Variants in PLXNC1 observed in about 807,000 individuals in gnomAD.
The protein encoded by PLXNC1 is plexin-C1.
Under a neutral mutation model 178.2 loss-of-function variants are expected in PLXNC1, and 75 were observed. That is an observed-to-expected ratio of 0.42 (90% confidence interval 0.35 to 0.51). The LOEUF (loss-of-function observed/expected upper bound fraction) is 0.51, where lower values mean the gene tolerates loss of function less well. PLXNC1 is among the 20% of genes least tolerant of loss of function. PLXNC1 has a pLI of 0.02. For synonymous variants in PLXNC1, 790 were observed against 779.9 expected, an observed-to-expected ratio of 1.01 and a Z score of -0.22; for missense variants, 1,503 against 1,984.4, an observed-to-expected ratio of 0.76 and a Z score of 4.61.
intron 23 of PLXNC1, among the ~76,000 whole-genome samples, chr12:94,286,378 A>T (rs73230130): frequency 0.11 from 17,319 of 152,110 alleles, 1,140 homozygotes; most frequent in Non-Finnish European, 0.14. Context: ...GCTTGGAGAA[A>T]ATCATCCCCC....
At chr12:94,259,050 A>T (rs1224408795) in intron 17 of PLXNC1, among the ~76,000 whole-genome samples, 1 of 152,186 alleles carries the variant, frequency 6.6e-6, no homozygotes, top group Non-Finnish European at 1.5e-5. Flanking sequence ...TTAACTCTTA[A>T]ATCACTTCTT....
chr12:94,254,739 G>A lies in PLXNC1; in HGVS notation c.2882-48G>A, dbSNP rs1322273385. 4 of 1,339,668 alleles carry A rather than the reference G, an allele frequency of 3.0e-6. No homozygotes were observed. In the South Asian group the frequency reaches 5.4e-5, roughly 18 times the overall value. The allele number at this position is 1,339,668 out of a possible 1,614,324, so 83.0% of individuals were successfully genotyped here. A position where few individuals can be genotyped will look rare whatever the true frequency, so the allele number is the denominator to read the frequency against. ...AAGATTGCTATTTGTTTTCATTTTT[G>A]GTTTTTGAGTTACCATGTCCCTCTG... is the stretch of plus-strand genomic sequence containing the variant. On this transcript the variant is annotated intron_variant, in intron 15 of 30. Coordinates refer to ENST00000258526, the MANE Select transcript of PLXNC1 (RefSeq NM_005761.3).
intron 1 of PLXNC1, among the ~76,000 whole-genome samples, chr12:94,159,655 AAGG>A (rs1477118558): frequency 6.6e-6 from 1 of 152,124 alleles, no homozygotes; most frequent in East Asian, 1.9e-4. Flanking sequence ...TGGCAATGGG[AAGG>A]AGATTAGATT....
chr12:94,214,532 T>G (rs1482440187), intron 5 of PLXNC1, among the ~76,000 whole-genome samples: 1 of 152,252 alleles, frequency 6.6e-6, no homozygotes, highest in Non-Finnish European at 1.5e-5. Context: ...ATAAAAAACA[T>G]TACTTACTCA....
chr12:94,234,166 C>T (rs2136041837), intron 9 of PLXNC1, among the ~76,000 whole-genome samples: 1 of 152,176 alleles, frequency 6.6e-6, no homozygotes, highest in Admixed American at 6.5e-5. Context: ...TAATAGAGTA[C>T]AATTTGGCCT....
chr12:94,288,922 T>A (rs188124503), intron 23 of PLXNC1, among the ~76,000 whole-genome samples: 74 of 152,370 alleles, frequency 4.9e-4, no homozygotes, highest in African/African-American at 1.7e-3. Flanking sequence ...GTTTTCAGAT[T>A]TTTTTCTTTA....
At chr12:94,169,094 G>A in intron 1 of PLXNC1, 59 bp from the exon 2 acceptor site, 2 of 1,452,272 alleles carry the variant, frequency 1.4e-6, no homozygotes, top group Non-Finnish European at 1.9e-6. Context: ...TCAGTATAAT[G>A]AGAACTATTG....
At chr12:94,235,661 G>A (rs61929074) in intron 9 of PLXNC1, among the ~76,000 whole-genome samples, 10,798 of 152,248 alleles carry the variant, frequency 0.071, 542 homozygotes, top group African/African-American at 0.13. Context: ...TTTGCGGGCC[G>A]TATGGTCTCT....
chr12:94,287,894 T>C (rs1966874827), intron 23 of PLXNC1, among the ~76,000 whole-genome samples: 1 of 152,234 alleles, frequency 6.6e-6, no homozygotes, highest in Admixed American at 6.5e-5. Context: ...CTTTCCGTCT[T>C]CTTTACCGCT....
At chr12:94,217,975 T>C (rs1327290712) in intron 5 of PLXNC1, among the ~76,000 whole-genome samples, 1 of 152,182 alleles carries the variant, frequency 6.6e-6, no homozygotes, top group Non-Finnish European at 1.5e-5. Context: ...ATGTGAGAAC[T>C]AGAAGGAAAT....
chr12:94,195,860 A>G (rs944179323), intron 4 of PLXNC1, among the ~76,000 whole-genome samples: 8 of 152,204 alleles, frequency 5.3e-5, no homozygotes, highest in Non-Finnish European at 1.0e-4. Flanking sequence ...CACATGAGAG[A>G]AAACTGCCAT....
At position 94,148,993 on chromosome 12, in the gene PLXNC1, G is replaced by T. The variant is rs1960832678; in HGVS notation, c.22G>T (p.Ala8Ser). The change falls in exon 1 of 31, where the codon GCG becomes TCG. Residue 8 changes from alanine to serine, a missense_variant. By Grantham distance (99) the Ala-to-Ser change is moderately conservative. Around this residue, in one of 4 missense-constraint regions of PLXNC1, gnomAD observed 176 missense variants for 180.7 expected, o/e 0.97. Coordinates refer to ENST00000258526, the MANE Select transcript of PLXNC1 (RefSeq NM_005761.3). The surrounding 1 kb of genome is among the most constrained non-coding windows in gnomAD (Gnocchi z 4.8). ...CCCCATGGAGGTCTCCCGGAGGAAG[G>T]CGCCGCCGCGCCCCCCGCGCCCCGC... MEVSRRKAPPRPPRPAAP... is the reference protein window; with the variant it reads MEVSRRKSPPRPPRPAAP... The T allele has an allele frequency of 1.4e-6, 2 of 1,446,398 alleles. No individual in the cohort carries two copies. Among genetic ancestry groups the T allele is most frequent in the African/African-American group, 1.5e-5 (1 of 66,736 alleles). 89.6% of individuals were successfully genotyped at this position (1,446,398 alleles called of 1,614,324 possible). A position where few individuals can be genotyped will look rare whatever the true frequency, so the allele number is the denominator to read the frequency against.
chr12:94,191,093 G>A (rs535358417), intron 4 of PLXNC1, among the ~76,000 whole-genome samples: 2 of 152,360 alleles, frequency 1.3e-5, no homozygotes, highest in East Asian at 3.9e-4. Context: ...TAGGCTGAGT[G>A]ATTGGTCGAC....
chr12:94,176,626 A>G (rs1962059571), intron 2 of PLXNC1, among the ~76,000 whole-genome samples: 1 of 152,206 alleles, frequency 6.6e-6, no homozygotes, highest in African/African-American at 2.4e-5. Context: ...ATACAATGAT[A>G]TTGTTTAAAA....
At chr12:94,211,998 G>C (rs1205876275) in intron 5 of PLXNC1, among the ~76,000 whole-genome samples, 1 of 152,194 alleles carries the variant, frequency 6.6e-6, no homozygotes, top group African/African-American at 2.4e-5. Context: ...AAGACGGCCG[G>C]GCGCGGTGGC....
chr12:94,299,785 C>T (rs1183377914), intron 27 of PLXNC1, among the ~76,000 whole-genome samples: 1 of 152,142 alleles, frequency 6.6e-6, no homozygotes, highest in Non-Finnish European at 1.5e-5. Context: ...GTCTCAAACT[C>T]CTGGACTCAA....
chr12:94,187,731 G>A (rs1352640616), intron 4 of PLXNC1, among the ~76,000 whole-genome samples: 4 of 152,190 alleles, frequency 2.6e-5, no homozygotes, highest in South Asian at 4.1e-4. Flanking sequence ...TAATGGTGGC[G>A]ATGATGGTGG....
At chr12:94,186,652 T>G in intron 4 of PLXNC1, 179 bp downstream of exon 4, 1 of 543,776 alleles carries the variant, frequency 1.8e-6, no homozygotes, top group Non-Finnish European at 3.4e-6. Context: ...GCGGCGTCCG[T>G]GCTATGCAAT....
chr12:94,208,242 G>T (rs1257253099), intron 4 of PLXNC1, among the ~76,000 whole-genome samples: 1 of 152,226 alleles, frequency 6.6e-6, no homozygotes, highest in Non-Finnish European at 1.5e-5. Context: ...GATGTAGTGG[G>T]AGGTGGAACA....
Sources: gnomAD v4.1 joint callset for allele counts (sites outside exome capture counted in the v4.1 genomes callset) on GRCh38, gnomAD v4.1.1 for gene constraint, gnomAD v4.1.1 regional missense constraint, Gnocchi (gnomAD v3.1) non-coding constraint, MANE v1.5 for transcripts, NCBI Gene and HGNC (gene_info 2026-07-23, HGNC 2026-07-21) for gene names.